Variants in SNTG2 observed in about 807,000 individuals in gnomAD.
SNTG2 encodes syntrophin gamma 2.
Under a neutral mutation model 70.9 loss-of-function variants are expected in SNTG2, and 74 were observed. The observed-to-expected ratio is 1.04, with a 90% CI of 0.86 to 1.27. The LOEUF (loss-of-function observed/expected upper bound fraction) is 1.27. Ranked by LOEUF, SNTG2 falls within the 50% of genes most tolerant of loss-of-function variation. The pLI is 0.00. For synonymous variants in SNTG2, 278 were observed against 273.8 expected, an observed-to-expected ratio of 1.02 and a Z score of -0.15; for missense variants, 717 against 690.7, an observed-to-expected ratio of 1.04 and a Z score of -0.43.
At chr2:1,070,693 C>T (rs937694761) in intron 1 of SNTG2, among the ~76,000 whole-genome samples, 7 of 152,138 alleles carry the variant, frequency 4.6e-5, no homozygotes, top group East Asian at 1.9e-4. Context: ...AATAGCCGCA[C>T]GTTGAGAGTT....
intron 1 of SNTG2, among the ~76,000 whole-genome samples, chr2:1,051,872 A>G (rs1300940031): frequency 6.6e-6 from 1 of 152,248 alleles, no homozygotes; most frequent in African/African-American, 2.4e-5. Flanking sequence ...GAATCCTGAC[A>G]TTCAGAGGCT....
chr2:1,251,748 CCA>C (rs760340272), intron 12 of SNTG2, among the ~76,000 whole-genome samples: 126 of 149,734 alleles, frequency 8.4e-4, no homozygotes, highest in African/African-American at 2.9e-3. Flanking sequence ...CAGGCACACA[CCA>C]CACACACACT....
intron 1 of SNTG2, among the ~76,000 whole-genome samples, chr2:1,044,041 G>A (rs1572285909): frequency 6.6e-6 from 1 of 152,214 alleles, no homozygotes; most frequent in South Asian, 2.1e-4. Flanking sequence ...TTATCCATGA[G>A]TGTGGAATCT....
intron 2 of SNTG2, among the ~76,000 whole-genome samples, chr2:1,096,715 G>A (rs986655756): frequency 6.6e-6 from 1 of 152,046 alleles, no homozygotes; most frequent in African/African-American, 2.4e-5. Context: ...CTTTATTCTC[G>A]CATCTACTGG....
chr2:965,605 C>T (rs1660534967), intron 1 of SNTG2, among the ~76,000 whole-genome samples: 1 of 151,904 alleles, frequency 6.6e-6, no homozygotes, highest in Admixed American at 6.6e-5. Context: ...TCCTCCGTTG[C>T]CCCTGGTCCT....
chr2:959,729 C>T lies in SNTG2; in HGVS notation c.72+8661C>T, dbSNP rs150700368. 1.8e-3 allele frequency among the ~76,000 whole-genome samples: 268 copies of T among 150,578 alleles called. 2 individuals carry two copies. The highest frequency in any genetic ancestry group is 6.0e-3 in the African/African-American group (244 of 40,922). On this transcript the variant is annotated intron_variant, in intron 1 of 16. Transcript: ENST00000308624. ...GGGCTGGAGGCTGCATCTCGGGTGC[C>T]GCTGTGCAGATGGAGGGAACCTTTG...
intron 1 of SNTG2, among the ~76,000 whole-genome samples, chr2:1,037,399 T>C (rs539093505): frequency 1.3e-5 from 2 of 152,340 alleles, no homozygotes; most frequent in African/African-American, 4.8e-5. Flanking sequence ...TTAAAGGGTG[T>C]GATTCAGTGT....
chr2:1,321,469 A>G (rs1375766607), intron 16 of SNTG2, among the ~76,000 whole-genome samples: 1 of 152,104 alleles, frequency 6.6e-6, no homozygotes, highest in Non-Finnish European at 1.5e-5. Flanking sequence ...AGTGTTTAGG[A>G]CCACGGAGGG....
intron 9 of SNTG2, among the ~76,000 whole-genome samples, chr2:1,229,745 C>G (rs992683691): frequency 5.3e-5 from 8 of 152,246 alleles, no homozygotes; most frequent in African/African-American, 1.9e-4. Flanking sequence ...TCCTGCCCCG[C>G]CGGAAGGCAG....
intron 16 of SNTG2, among the ~76,000 whole-genome samples, chr2:1,357,526 C>T (rs1164529926): frequency 6.6e-6 from 1 of 152,062 alleles, no homozygotes; most frequent in Non-Finnish European, 1.5e-5. Flanking sequence ...GCAACTGTGG[C>T]CTTACATAAT....
chr2:1,243,483 C>T (rs1208245119), intron 11 of SNTG2, among the ~76,000 whole-genome samples: 1 of 152,194 alleles, frequency 6.6e-6, no homozygotes, highest in Non-Finnish European at 1.5e-5. Flanking sequence ...AGGCTTGCTG[C>T]TGCCATGCTG....
At chr2:1,111,511 T>C (rs1313943154) in intron 4 of SNTG2, among the ~76,000 whole-genome samples, 3 of 152,204 alleles carry the variant, frequency 2.0e-5, no homozygotes, top group Non-Finnish European at 4.4e-5. Flanking sequence ...GCCCCAAAGA[T>C]GCTGTCCTGG....
At chr2:1,222,506 G>C (rs1675347330) in intron 9 of SNTG2, among the ~76,000 whole-genome samples, 1 of 139,812 alleles carries the variant, frequency 7.2e-6, no homozygotes, top group South Asian at 2.2e-4. Flanking sequence ...GTGATGGAGG[G>C]CGTCTCCCTG....
rs138570680 is a variant in SNTG2, at chr2:1,029,076, C to T, written c.73-54442C>T. On this transcript the variant is annotated intron_variant, in intron 1 of 16. Coordinates refer to ENST00000308624, the MANE Select transcript of SNTG2 (RefSeq NM_018968.4). ...CGGCGGCCTGGACAGCAGGCCCCCA[C>T]GTTTCCGGGCTTTCCAGCAACCCCA... 4.1e-4 allele frequency among the ~76,000 whole-genome samples: 62 copies of T among 152,266 alleles called. 1 individual carries two copies. The South Asian group carries it at 0.013, about 31-fold the overall frequency.
intron 8 of SNTG2, among the ~76,000 whole-genome samples, chr2:1,195,403 A>G (rs1672849356): frequency 1.3e-5 from 2 of 152,028 alleles, no homozygotes; most frequent in Admixed American, 1.3e-4. Flanking sequence ...TTCCTTTTTA[A>G]TGATCGCCAT....
At chr2:1,203,663 C>CAAA (rs201271605) in intron 8 of SNTG2, among the ~76,000 whole-genome samples, 10 of 113,116 alleles carry the variant, frequency 8.8e-5, no homozygotes, top group South Asian at 2.9e-4. Flanking sequence ...CAAAAACAAA[C>CAAA]AAAAAAAAAA....
intron 8 of SNTG2, among the ~76,000 whole-genome samples, chr2:1,176,377 T>TA (rs1671477666): frequency 1.5e-5 from 2 of 136,468 alleles, no homozygotes; most frequent in Admixed American, 1.6e-4. Flanking sequence ...GGTAAAGAAA[T>TA]AACCTGTATA....
intron 14 of SNTG2, among the ~76,000 whole-genome samples, chr2:1,272,775 AGGGAGCGGGTGCAGAAAGGACAC>A (rs1679105210): frequency 2.0e-5 from 3 of 148,888 alleles, no homozygotes; most frequent in Non-Finnish European, 4.5e-5. Flanking sequence ...AGGACACCCC[AGGGAGCGGGTGCAGAAAGGACAC>A]CCCAGGGAGC....
intron 14 of SNTG2, among the ~76,000 whole-genome samples, chr2:1,278,642 T>C (rs1047481248): frequency 1.3e-4 from 20 of 152,204 alleles, no homozygotes; most frequent in Non-Finnish European, 2.4e-4. Context: ...AGTGCAGTGG[T>C]AGTCAAGAAA....
Sources: gnomAD v4.1 joint callset for allele counts (sites outside exome capture counted in the v4.1 genomes callset) on GRCh38, gnomAD v4.1.1 for gene constraint, MANE v1.5 for transcripts, NCBI Gene and HGNC (gene_info 2026-07-23, HGNC 2026-07-21) for gene names.